ACACA: variants seen among roughly 807,000 people sequenced by gnomAD.
ACACA encodes the protein acetyl-CoA carboxylase alpha, also known as acetyl-CoA carboxylase 1.
ACACA carries 103 observed loss-of-function variants against 296.1 expected under a neutral mutation model. That is an observed-to-expected ratio of 0.35 (90% CI 0.30 to 0.41). The LOEUF (loss-of-function observed/expected upper bound fraction) is 0.41. Among genes scored for constraint, ACACA ranks in the 10% least tolerant of loss-of-function variants. The pLI, the probability that ACACA is intolerant of heterozygous loss-of-function variation, is 1.00. For missense variants in ACACA, 1,554 were observed against 2,989.7 expected (o/e 0.52, Z 11.20); for synonymous variants, 953 against 1,038.6 (o/e 0.92, Z 1.58).
chr17:37,358,623 G>A (rs2049255642), intron 1 of ACACA, among the ~76,000 whole-genome samples: 1 of 152,160 alleles, frequency 6.6e-6, no homozygotes, highest in African/African-American at 2.4e-5. Context: ...CCCGAGCCCA[G>A]AATCGGATTG....
intron 8 of ACACA, among the ~76,000 whole-genome samples, chr17:37,275,252 C>T (rs1320460868): frequency 6.6e-6 from 1 of 151,994 alleles, no homozygotes; most frequent in Non-Finnish European, 1.5e-5. Context: ...AATCCCAGCA[C>T]TTTGGGAGGC....
chr17:37,305,157 C>T (rs988042094), intron 3 of ACACA, among the ~76,000 whole-genome samples: 1 of 151,972 alleles, frequency 6.6e-6, no homozygotes, highest in Non-Finnish European at 1.5e-5. Context: ...TTGAATATAA[C>T]CTGTCATGGG....
At position 37,284,757 on chromosome 17, in the gene ACACA, G is replaced by A. The variant is rs1339503505; in HGVS notation, c.471+81C>T. ...CTCTGAGAAACTAAATATCAATTGGGAGCAAATCTAGACAACAAATCTAGG... is the reference window on the plus strand; with the variant it reads ...CTCTGAGAAACTAAATATCAATTGGAAGCAAATCTAGACAACAAATCTAGG... On this transcript the variant is annotated intron_variant, in intron 4 of 55. Coordinates refer to ENST00000616317, the MANE Select transcript of ACACA (RefSeq NM_198834.3). 2.5e-6 allele frequency: 4 copies of A among 1,589,102 alleles called. No homozygotes were observed. In the African/African-American group the frequency reaches 5.4e-5, roughly 21 times the overall value.
At chr17:37,312,976 C>A (rs979138023) in intron 3 of ACACA, among the ~76,000 whole-genome samples, 3 of 152,130 alleles carry the variant, frequency 2.0e-5, no homozygotes, top group African/African-American at 7.2e-5. Flanking sequence ...TCCTGGAACC[C>A]AAATTCAATA....
intron 4 of ACACA, among the ~76,000 whole-genome samples, chr17:37,283,809 G>T (rs962799849): frequency 6.6e-6 from 1 of 152,138 alleles, no homozygotes; most frequent in Non-Finnish European, 1.5e-5. Flanking sequence ...ATAAAATGAG[G>T]TACAGAGCAC....
chr17:37,252,081 C>G lies in ACACA; in HGVS notation c.2005G>C (p.Val669Leu), dbSNP rs1033690908. The change falls in exon 16 of 56, where the codon GTT (valine) becomes CTT (leucine). Residue 669 changes from valine to leucine, a missense_variant. Physicochemically the swap from Val to Leu is conservative, Grantham distance 32. Coordinates refer to ENST00000616317, the MANE Select transcript of ACACA (RefSeq NM_198834.3). The stretch of plus-strand genomic sequence containing the variant: ...GCCACGTGGAGGGCACCACACACAA[C>G]CCCCAACATGGTGTCAGGTCGCTCA... Reference protein sequence around the residue: ...QAERPDTMLGVVCGALHVADV... With the variant: ...QAERPDTMLGLVCGALHVADV... The G allele has an allele frequency of 2.5e-6, 4 of 1,614,036 alleles. No homozygotes were observed. The highest frequency in any genetic ancestry group is 2.5e-6 in the Non-Finnish European group (3 of 1,180,020).
chr17:37,202,742 T>C (rs2078322766), intron 33 of ACACA, among the ~76,000 whole-genome samples: 2 of 130,372 alleles, frequency 1.5e-5, no homozygotes, highest in Admixed American at 1.6e-4. Flanking sequence ...AACAAGGAGA[T>C]GAAAATGCCA....
At chr17:37,359,364 T>C (rs1159503572) in intron 1 of ACACA, among the ~76,000 whole-genome samples, 1 of 151,808 alleles carries the variant, frequency 6.6e-6, no homozygotes, top group East Asian at 1.9e-4. Flanking sequence ...GCGATGCCGA[T>C]GGTCCGAGCG....
At chr17:37,254,686 A>C (rs1035680634) in intron 14 of ACACA, among the ~76,000 whole-genome samples, 3 of 152,038 alleles carry the variant, frequency 2.0e-5, no homozygotes, top group African/African-American at 7.2e-5. Flanking sequence ...TATTTGTTGA[A>C]TACAATGAAT....
At chr17:37,381,761 G>A (rs999719861) in intron 1 of ACACA, among the ~76,000 whole-genome samples, 2 of 151,296 alleles carry the variant, frequency 1.3e-5, no homozygotes, top group Non-Finnish European at 2.9e-5. Flanking sequence ...CCGAGTAGCT[G>A]GGACTACAGG....
At chr17:37,101,573 T>C (rs2073363531) in intron 52 of ACACA, among the ~76,000 whole-genome samples, 1 of 152,158 alleles carries the variant, frequency 6.6e-6, no homozygotes, top group Non-Finnish European at 1.5e-5. Context: ...TCCCAAAGCT[T>C]TTGAACACTG....
intron 1 of ACACA, among the ~76,000 whole-genome samples, chr17:37,396,620 C>T (rs960322129): frequency 6.6e-6 from 1 of 152,134 alleles, no homozygotes; most frequent in African/African-American, 2.4e-5. Flanking sequence ...AATCACTGCC[C>T]AGCAGATTCT....
intron 20 of ACACA, 149 bp downstream of exon 20, chr17:37,244,931 T>C: frequency 7.4e-7 from 1 of 1,345,250 alleles, no homozygotes; most frequent in South Asian, 1.2e-5. Context: ...AGTTCCATAA[T>C]ACTACAGGCA....
chr17:37,098,842 A>G (rs542826209), intron 52 of ACACA, among the ~76,000 whole-genome samples: 7 of 152,334 alleles, frequency 4.6e-5, no homozygotes, highest in South Asian at 2.1e-4. Flanking sequence ...CCCTCCCCCA[A>G]TCAATAGTGT....
At chr17:37,114,500 C>T (rs865868279) in intron 50 of ACACA, among the ~76,000 whole-genome samples, 7 of 148,062 alleles carry the variant, frequency 4.7e-5, no homozygotes, top group South Asian at 2.1e-4. Context: ...TGCTGTACTC[C>T]AGTGTGGGTA....
chr17:37,212,177 C>T (rs2078776450), intron 29 of ACACA, among the ~76,000 whole-genome samples: 2 of 152,134 alleles, frequency 1.3e-5, no homozygotes, highest in Admixed American at 1.3e-4. Context: ...AGTTTAGAAA[C>T]CAGTATAATC....
intron 41 of ACACA, among the ~76,000 whole-genome samples, chr17:37,170,414 G>T (rs2076839430): frequency 6.6e-6 from 1 of 151,888 alleles, no homozygotes; most frequent in Admixed American, 6.6e-5. Context: ...ATAAGAAGTG[G>T]GACCATTATT....
intron 45 of ACACA, among the ~76,000 whole-genome samples, chr17:37,142,006 T>G (rs1423295450): frequency 1.3e-5 from 2 of 151,568 alleles, no homozygotes; most frequent in African/African-American, 4.9e-5. Flanking sequence ...TTTTTTGTTT[T>G]TTTTTGTTTT....
chr17:37,128,023 TCAAAAAAAAAAAA>T (rs1419550304), intron 47 of ACACA, among the ~76,000 whole-genome samples: 3 of 22,532 alleles, frequency 1.3e-4, no homozygotes, highest in South Asian at 1.4e-3. Flanking sequence ...AAACTCCATC[TCAAAAAAAAAAAA>T]AAAAAAAAAA....
Sources: allele counts gnomAD v4.1 joint callset (sites outside exome capture counted in the v4.1 genomes callset), GRCh38; gene constraint gnomAD v4.1.1; transcripts MANE v1.5; gene names NCBI Gene and HGNC (gene_info 2026-07-23, HGNC 2026-07-21).